GAREM1: variants seen among roughly 807,000 people sequenced by gnomAD.
GAREM1 encodes GRB2-associated and regulator of MAPK protein 1.
Under a neutral mutation model 71.3 loss-of-function variants are expected in GAREM1, and 26 were observed. The ratio of observed to expected loss-of-function variants is 0.36; its 90% CI spans 0.27 to 0.51. The LOEUF is 0.51. Among genes scored for constraint, GAREM1 ranks in the 20% least tolerant of loss-of-function variants. GAREM1 has a pLI of 0.95. For synonymous variants in GAREM1, 440 were observed against 433.2 expected (o/e 1.02, Z -0.20); for missense variants, 1,026 against 1,103.1 (o/e 0.93, Z 0.99).
intron 2 of GAREM1, among the ~76,000 whole-genome samples, chr18:32,326,425 G>A (rs1353977121): frequency 2.0e-5 from 3 of 152,150 alleles, no homozygotes; most frequent in Admixed American, 6.6e-5. Context: ...CAGTAAAAAT[G>A]GAAAGGCTAG....
chr18:32,378,727 C>T (rs2144637844), intron 2 of GAREM1, among the ~76,000 whole-genome samples: 1 of 152,178 alleles, frequency 6.6e-6, no homozygotes, highest in East Asian at 1.9e-4. Flanking sequence ...AAAACAAATG[C>T]TTTCTCATAT....
At chr18:32,442,821 G>A (rs2048752238) in intron 1 of GAREM1, among the ~76,000 whole-genome samples, 1 of 152,118 alleles carries the variant, frequency 6.6e-6, no homozygotes, top group Non-Finnish European at 1.5e-5. Context: ...TATTGTTCTA[G>A]AACAGAGACC....
chr18:32,270,118 C>A lies in GAREM1; in HGVS notation c.1733+99G>T, dbSNP rs933556463. On this transcript the variant is annotated intron_variant, in intron 5 of 5. Transcript: ENST00000269209. Reference sequence around the variant, plus strand: ...ATTAAAAAGCCATTTCCTCTCCCACCACCCTGCCTGTTAGGGCTACCGTGA... The same window carrying A: ...ATTAAAAAGCCATTTCCTCTCCCACAACCCTGCCTGTTAGGGCTACCGTGA... The A allele has an allele frequency of 3.2e-6, 4 of 1,244,960 alleles. No homozygotes were observed. The African/African-American group carries it at 6.1e-5, about 19-fold the overall frequency. 77.1% of individuals were successfully genotyped at this position (1,244,960 alleles called of 1,614,324 possible). A position where few individuals can be genotyped will look rare whatever the true frequency, so the allele number is the denominator to read the frequency against.
rs969302382 is a variant in GAREM1 at position 32,401,479 on chromosome 18, C to T, written c.122-8444G>A. On this transcript the variant is annotated intron_variant, in intron 1 of 5. Transcript: ENST00000269209. ...AAAAAAAGAAATGTAGAGCAGAGAT[C>T]GAGACTTCAGCAGAGGAGATCAAGA... Among the ~76,000 whole-genome samples, 7 of 151,900 alleles carry T rather than the reference C, an allele frequency of 4.6e-5. 1 individual carries two copies. The South Asian group carries it at 1.2e-3, about 27-fold the overall frequency.
At chr18:32,297,346 A>G (rs2047152275) in intron 3 of GAREM1, among the ~76,000 whole-genome samples, 2 of 152,238 alleles carry the variant, frequency 1.3e-5, no homozygotes, top group Non-Finnish European at 1.5e-5. Flanking sequence ...CCTCACCTAT[A>G]AAATGGAACA....
chr18:32,331,858 C>A (rs767931588), intron 2 of GAREM1, among the ~76,000 whole-genome samples: 7 of 151,500 alleles, frequency 4.6e-5, no homozygotes, highest in Non-Finnish European at 1.0e-4. Flanking sequence ...AGAAACACTG[C>A]GAGTGGTGAC....
At chr18:32,355,605 T>C (rs2047796928) in intron 2 of GAREM1, among the ~76,000 whole-genome samples, 1 of 152,186 alleles carries the variant, frequency 6.6e-6, no homozygotes, top group African/African-American at 2.4e-5. Context: ...TTTTAAGTAA[T>C]GACAATTAAA....
chr18:32,274,905 T>C (rs112064260), intron 4 of GAREM1, among the ~76,000 whole-genome samples: 3,508 of 149,848 alleles, frequency 0.023, 60 homozygotes, highest in Non-Finnish European at 0.025. Flanking sequence ...ACTCCTGGCA[T>C]GAACATGTCA....
At chr18:32,339,295 G>A (rs189222602) in intron 2 of GAREM1, among the ~76,000 whole-genome samples, 2 of 152,092 alleles carry the variant, frequency 1.3e-5, no homozygotes, top group East Asian at 1.9e-4. Context: ...CAGGTCCACC[G>A]CCCACTGATA....
At position 32,298,274 on chromosome 18, in the gene GAREM1, C is replaced by T. The variant is rs77000096; in HGVS notation, c.394-10071G>A. ...CTGAATAAATTATACAACTAACGTA[C>T]TGACCAATTTTGTGGTCACTGCCAG... On this transcript the variant is annotated intron_variant, in intron 3 of 5. Transcript: ENST00000269209. Among the ~76,000 whole-genome samples, 1,423 of 152,306 alleles carry T rather than the reference C, an allele frequency of 9.3e-3. 28 individuals are homozygous for T. Among genetic ancestry groups the T allele is most frequent in the African/African-American group, 0.031 (1,278 of 41,550 alleles).
intron 1 of GAREM1, among the ~76,000 whole-genome samples, chr18:32,398,697 TCCAGGA>T (rs1265550695): frequency 6.6e-6 from 1 of 151,858 alleles, no homozygotes; most frequent in Non-Finnish European, 1.5e-5. Flanking sequence ...CCAAAAAAAG[TCCAGGA>T]CCAGATGGAT....
chr18:32,269,521 G>C (rs541767287), intron 5 of GAREM1, among the ~76,000 whole-genome samples: 1 of 152,188 alleles, frequency 6.6e-6, no homozygotes, highest in Non-Finnish European at 1.5e-5. Flanking sequence ...TTCTTTTGGA[G>C]AAGAGAAGAC....
intron 1 of GAREM1, among the ~76,000 whole-genome samples, chr18:32,402,799 T>C (rs1207899687): frequency 6.6e-6 from 1 of 152,180 alleles, no homozygotes; most frequent in African/African-American, 2.4e-5. Context: ...GCATCATATA[T>C]TCAATCAACA....
intron 2 of GAREM1, among the ~76,000 whole-genome samples, chr18:32,391,463 C>T (rs551349854): frequency 3.9e-5 from 6 of 152,220 alleles, no homozygotes; most frequent in Non-Finnish European, 7.4e-5. Flanking sequence ...AGCGCTTTTG[C>T]GGGAAAGACT....
intron 2 of GAREM1, among the ~76,000 whole-genome samples, chr18:32,375,998 A>T (rs966771672): frequency 1.3e-5 from 2 of 152,224 alleles, no homozygotes; most frequent in Non-Finnish European, 2.9e-5. Context: ...GTAAAAAAAA[A>T]AATCCGGGCA....
chr18:32,403,440 T>G (rs2048335542), intron 1 of GAREM1, among the ~76,000 whole-genome samples: 1 of 152,256 alleles, frequency 6.6e-6, no homozygotes, highest in South Asian at 2.1e-4. Flanking sequence ...TTTACACATA[T>G]GCTGTACTCT....
intron 4 of GAREM1, 134 bp from the exon 5 acceptor site, chr18:32,270,517 T>C (rs2041445010): frequency 1.5e-6 from 1 of 688,310 alleles, no homozygotes. Flanking sequence ...GAGAGAAGAT[T>C]GAAGTAAACA....
At chr18:32,386,568 C>T (rs2048148751) in intron 2 of GAREM1, among the ~76,000 whole-genome samples, 1 of 152,190 alleles carries the variant, frequency 6.6e-6, no homozygotes, top group African/African-American at 2.4e-5. Flanking sequence ...CCAAACGCGG[C>T]TGGAGTTTAT....
At chr18:32,283,136 C>T (rs760035519) in intron 4 of GAREM1, among the ~76,000 whole-genome samples, 84 of 152,322 alleles carry the variant, frequency 5.5e-4, no homozygotes, top group Non-Finnish European at 9.4e-4. Context: ...CTAGGGGTTG[C>T]ATCTTGTCTA....
Sources: allele counts gnomAD v4.1 joint callset (sites outside exome capture counted in the v4.1 genomes callset), GRCh38; gene constraint gnomAD v4.1.1; transcripts MANE v1.5; gene names NCBI Gene and HGNC (gene_info 2026-07-23, HGNC 2026-07-21).